NSL1: variants seen among roughly 807,000 people sequenced by gnomAD.
NSL1 encodes kinetochore-associated protein NSL1 homolog.
NSL1 carries 11 observed loss-of-function variants against 25.4 expected under a neutral mutation model. The observed-to-expected ratio is 0.43, with a 90% CI of 0.27 to 0.72. NSL1 has a LOEUF of 0.72. Ranked by LOEUF, NSL1 falls within the 30% of genes least tolerant of loss-of-function variation. The probability of loss-of-function intolerance (pLI) is 0.19; values close to 1 mark genes in which losing one functional copy is unlikely to be tolerated. For synonymous variants in NSL1, 118 were observed against 120.6 expected, an observed-to-expected ratio of 0.98 and a Z score of 0.14; for missense variants, 330 against 342.7, an observed-to-expected ratio of 0.96 and a Z score of 0.29.
chr1:212,787,160 CAA>C (rs34594444), intron 2 of NSL1, among the ~76,000 whole-genome samples: 8 of 117,816 alleles, frequency 6.8e-5, no homozygotes, highest in Middle Eastern at 4.7e-3. Context: ...GACTTCATCT[CAA>C]AAAAAAAAAA....
intron 4 of NSL1, among the ~76,000 whole-genome samples, chr1:212,780,541 C>T (rs979488659): frequency 7.0e-6 from 1 of 143,820 alleles, no homozygotes; most frequent in African/African-American, 2.6e-5. Context: ...TGTCAGTTTT[C>T]AAAGACATTT....
At chr1:212,787,479 AG>A in intron 2 of NSL1, 79 bp downstream of exon 2, 1 of 945,094 alleles carries the variant, frequency 1.1e-6, no homozygotes, top group Non-Finnish European at 1.6e-6. Context: ...CTAAATATGG[AG>A]ATTAAAAAAC....
chr1:212,790,644 C>G (rs1028061954), intron 1 of NSL1, among the ~76,000 whole-genome samples: 1 of 152,012 alleles, frequency 6.6e-6, no homozygotes, highest in Non-Finnish European at 1.5e-5. Flanking sequence ...GTTAATAGGC[C>G]GGGCGAGGTG....
At position 212,787,596 on chromosome 1, in the gene NSL1, C is replaced by T. The variant is rs34750293; in HGVS notation, c.276G>A (p.Gly92=). 1.3e-4 allele frequency: 210 copies of T among 1,606,768 alleles called. No homozygotes were observed. The African/African-American group carries it at 2.7e-3, about 20-fold the overall frequency. ...TATCTGAAGCTTCCTGCCATGCTTG[C>T]CCATTAATGCTGATATTCTCTTGCA... ...SAVQENISIN[G]QAWQEASDNC... Residue 92 remains glycine, a synonymous_variant, in exon 2 of 6, where the codon GGG becomes GGA. Transcript: ENST00000366977.
intron 4 of NSL1, among the ~76,000 whole-genome samples, chr1:212,753,084 G>A (rs7538853): frequency 0.65 from 99,552 of 152,038 alleles, 33,003 homozygotes; most frequent in Non-Finnish European, 0.69. Context: ...GCAGTGATTT[G>A]TGATTTTCTG....
intron 4 of NSL1, among the ~76,000 whole-genome samples, chr1:212,771,248 A>C (rs1660095407): frequency 6.6e-6 from 1 of 152,096 alleles, no homozygotes; most frequent in African/African-American, 2.4e-5. Flanking sequence ...TGGGAGGCAG[A>C]GGTTGCGGTG....
Position 212,760,138 on chromosome 1 carries a change from T to C in NSL1, c.500-20537A>G, listed in dbSNP as rs552823259. On this transcript the variant is annotated intron_variant, in intron 4 of 5. Coordinates refer to ENST00000366977, the MANE Select transcript of NSL1 (RefSeq NM_015471.4). The surrounding 1 kb of genome is among the most constrained non-coding windows in gnomAD (Gnocchi z 4.3). Reference sequence around the variant, plus strand: ...ATTGACCTGCCCCGCCAGCTGCTTCTGGGGCACACACACACACACACCATA... The same window carrying C: ...ATTGACCTGCCCCGCCAGCTGCTTCCGGGGCACACACACACACACACCATA... Among the ~76,000 whole-genome samples the C allele has an allele frequency of 1.9e-3, 286 of 151,540 alleles. No homozygotes were observed. The highest frequency in any genetic ancestry group is 2.8e-3 in the Non-Finnish European group (191 of 67,908).
At chr1:212,781,342 T>A (rs11809382) in intron 4 of NSL1, among the ~76,000 whole-genome samples, 27,233 of 152,178 alleles carry the variant, frequency 0.18, 2,762 homozygotes, top group African/African-American at 0.28. Flanking sequence ...TATATCATAA[T>A]ACCACAAGTT....
At chr1:212,770,639 C>A (rs1349390417) in intron 4 of NSL1, among the ~76,000 whole-genome samples, 2 of 152,176 alleles carry the variant, frequency 1.3e-5, no homozygotes, top group African/African-American at 2.4e-5. Flanking sequence ...AACATCAATT[C>A]TTTTCAAACT....
At chr1:212,775,833 T>G (rs1378984322) in intron 4 of NSL1, among the ~76,000 whole-genome samples, 1 of 145,298 alleles carries the variant, frequency 6.9e-6, no homozygotes, top group Non-Finnish European at 1.6e-5. Context: ...GGTGGTTTTT[T>G]TTTGTTTTTT....
At chr1:212,755,529 T>C (rs1198014831) in intron 4 of NSL1, among the ~76,000 whole-genome samples, 1 of 151,716 alleles carries the variant, frequency 6.6e-6, no homozygotes, top group Non-Finnish European at 1.5e-5. Flanking sequence ...CTATGTTACA[T>C]GTTGAGTGAA....
Position 212,729,303 on chromosome 1 carries a change from T to TACTGATGGCTCCCCTA in NSL1, c.*9089_*9104dup, listed in dbSNP as rs1468278048. On this transcript the variant is annotated 3_prime_UTR_variant, in exon 6 of 6. Coordinates refer to ENST00000366977, the MANE Select transcript of NSL1 (RefSeq NM_015471.4). Reference sequence around the variant, plus strand: ...TTCCCTCTAATGGATCCCTAGATGCTACTGATGGCTCCCCTAACTGACGGC... The same window carrying TACTGATGGCTCCCCTA: ...TTCCCTCTAATGGATCCCTAGATGCTACTGATGGCTCCCCTAACTGATGGCTCCCCTAACTGACGGC... 3 of 985,064 alleles carry TACTGATGGCTCCCCTA rather than the reference T, an allele frequency of 3.0e-6. No homozygotes were observed. The African/African-American group carries it at 5.2e-5, about 17-fold the overall frequency. The allele number at this position is 985,064 out of a possible 1,614,324, so 61.0% of individuals were successfully genotyped here.
intron 4 of NSL1, among the ~76,000 whole-genome samples, chr1:212,772,620 T>G (rs1001844214): frequency 2.0e-5 from 3 of 152,016 alleles, no homozygotes; most frequent in African/African-American, 7.3e-5. Context: ...AAGGTTGCAG[T>G]GAGCTGAGAC....
intron 4 of NSL1, among the ~76,000 whole-genome samples, chr1:212,769,670 T>C (rs956162653): frequency 1.3e-4 from 20 of 151,914 alleles, no homozygotes; most frequent in Non-Finnish European, 4.4e-5. Flanking sequence ...TGAAAACACA[T>C]AAAAGTATAA....
rs1232174744 is a variant in NSL1 at position 212,760,645 on chromosome 1, CT to C, written c.500-21045del. Among the ~76,000 whole-genome samples, 4 of 152,080 alleles carry C rather than the reference CT, an allele frequency of 2.6e-5. No homozygotes were observed. The highest frequency in any genetic ancestry group is 5.9e-5 in the Non-Finnish European group (4 of 68,014). On this transcript the variant is annotated intron_variant, in intron 4 of 5. Coordinates refer to ENST00000366977, the MANE Select transcript of NSL1 (RefSeq NM_015471.4). The surrounding 1 kb of genome is among the most constrained non-coding windows in gnomAD (Gnocchi z 4.3). ...CACCACTGCCGCCTGTGCTTGCTGC[CT>C]GGGGGCCTGACGGTTGACCCGCCAC... is the stretch of plus-strand genomic sequence containing the variant.
At chr1:212,739,504 T>A (rs372016666) in intron 5 of NSL1, 30 bp downstream of exon 5, 32 of 1,607,024 alleles carry the variant, frequency 2.0e-5, no homozygotes, top group East Asian at 6.7e-5. Flanking sequence ...TTTTGTTCAT[T>A]TGATAATTTT....
Position 212,760,034 on chromosome 1 carries a change from G to A in NSL1, c.500-20433C>T, listed in dbSNP as rs1425316700. On this transcript the variant is annotated intron_variant, in intron 4 of 5. Coordinates refer to ENST00000366977, the MANE Select transcript of NSL1 (RefSeq NM_015471.4). This position sits in a 1 kb window ranked among gnomAD's most constrained non-coding sequence, Gnocchi z 4.3. ...CCCTGCCCTATCTGTCATGGTGGGT[G>A]TGTGAGCACATCAAGACAACAGACC... Among the ~76,000 whole-genome samples the A allele has an allele frequency of 1.3e-5, 2 of 151,988 alleles. No homozygotes were observed. The highest frequency in any genetic ancestry group is 1.5e-5 in the Non-Finnish European group (1 of 67,974).
chr1:212,744,193 G>A lies in NSL1; in HGVS notation c.500-4592C>T, dbSNP rs191798707. 6.0e-4 allele frequency among the ~76,000 whole-genome samples: 91 copies of A among 152,294 alleles called. 2 individuals are homozygous for A. The highest frequency in any genetic ancestry group is 1.9e-3 in the African/African-American group (80 of 41,562). ...TGGCTGAGAGCTGAAGGCATATCCC[G>A]ACATACACCTACAGAGTTTAATGTT... On this transcript the variant is annotated intron_variant, in intron 4 of 5. Transcript: ENST00000366977.
intron 4 of NSL1, among the ~76,000 whole-genome samples, chr1:212,761,520 TCCCAGCTACTTGGGAGGC>T (rs1184520487): frequency 1.2e-4 from 18 of 152,112 alleles, no homozygotes; most frequent in Admixed American, 1.2e-3. Context: ...ATGCCTGTCG[TCCCAGCTACTTGGGAGGC>T]GGAGGTGGAA....
Sources: gnomAD v4.1 joint callset for allele counts (sites outside exome capture counted in the v4.1 genomes callset) on GRCh38, gnomAD v4.1.1 for gene constraint, Gnocchi (gnomAD v3.1) non-coding constraint, MANE v1.5 for transcripts, NCBI Gene and HGNC (gene_info 2026-07-23, HGNC 2026-07-21) for gene names.